The following ZNF443 variants were observed in gnomAD, a reference collection of about 807,000 sequenced individuals.
The protein encoded by ZNF443 is Kruppel-type zinc finger (C2H2).
ZNF443 carries 3 observed loss-of-function variants against 12.0 expected under a neutral mutation model. That is an observed-to-expected ratio of 0.25 (90% CI 0.11 to 0.64). The LOEUF (loss-of-function observed/expected upper bound fraction) is 0.64, where lower values mean the gene tolerates loss of function less well. ZNF443 is among the 30% of genes least tolerant of loss of function. The pLI is 0.84. For missense variants in ZNF443, 770 were observed against 808.8 expected (o/e 0.95, Z 0.58); for synonymous variants, 225 against 265.9 (o/e 0.85, Z 1.50).
rs777007005 is a variant in ZNF443, at chr19:12,430,535, T to G, written c.1637A>C (p.Asn546Thr). The G allele has an allele frequency of 6.2e-7, 1 of 1,614,058 alleles. No homozygotes were observed. Among genetic ancestry groups the G allele is most frequent in the South Asian group, 1.1e-5 (1 of 91,078 alleles). The change falls in exon 4 of 4, where the codon AAC (asparagine) becomes ACC (threonine). Residue 546 changes from asparagine (N) to threonine (T), a missense_variant. Asn to Thr is a moderately conservative substitution (Grantham distance 65). This residue lies in a region of ZNF443 where 736 missense variants were observed against 689.4 expected (regional missense o/e 1.07). Transcript: ENST00000301547. ...TCRKAFGHYD[N>T]LKVHERIHSG... ...GTGAATTCTTTCATGTACCTTTAAG[T>G]TATCATAATGACCGAAGGCTTTCCT...
At chr19:12,433,496 T>A (rs1970279065) in intron 1 of ZNF443, among the ~76,000 whole-genome samples, 1 of 152,198 alleles carries the variant, frequency 6.6e-6, no homozygotes, top group Non-Finnish European at 1.5e-5. Context: ...GGGTCTGCAG[T>A]CCTTGGCACG....
intron 1 of ZNF443, among the ~76,000 whole-genome samples, chr19:12,436,926 A>G (rs1024712546): frequency 5.3e-5 from 8 of 150,960 alleles, no homozygotes; most frequent in African/African-American, 2.0e-4. Context: ...GTTATAGTTT[A>G]TAATAGGGCA....
intron 1 of ZNF443, among the ~76,000 whole-genome samples, chr19:12,435,083 T>G (rs2144954405): frequency 6.7e-6 from 1 of 149,504 alleles, no homozygotes; most frequent in African/African-American, 2.5e-5. Flanking sequence ...ATTCAAGCAA[T>G]TCTCCTGCCT....
In ZNF443 at chr19:12,431,292, T is replaced by G; in HGVS notation, c.880A>C (p.Ser294Arg). 2.5e-6 allele frequency: 4 copies of G among 1,614,166 alleles called. No homozygotes were observed. Among genetic ancestry groups the G allele is most frequent in the Non-Finnish European group, 3.4e-6 (4 of 1,179,990 alleles). The change falls in exon 4 of 4, where the codon AGT (serine) becomes CGT (arginine). Residue 294 changes from serine (S) to arginine (R), a missense_variant. Coordinates refer to ENST00000301547, the MANE Select transcript of ZNF443 (RefSeq NM_005815.5). ...GTTCTTTCATGTATTAGACAAGAAC[T>G]GGAATCAGGGAAGGCTTTAGAACAC... ...KQCSKAFPDS[S>R]SCLIHERTHT...
intron 1 of ZNF443, among the ~76,000 whole-genome samples, chr19:12,439,071 C>T (rs189857775): frequency 9.2e-5 from 14 of 152,134 alleles, no homozygotes; most frequent in Admixed American, 7.8e-4. Context: ...CTATTCTGTT[C>T]GCCACCCTCC....
In ZNF443 at chr19:12,440,900, C is replaced by T. The variant is rs777264000; in HGVS notation, c.3+12G>A. Reference sequence around the variant, plus strand: ...CCTCCCCCGCCTCGGGACGCCGGCCCAGCACACGCACCATTTCCCGACTTC... The same window carrying T: ...CCTCCCCCGCCTCGGGACGCCGGCCTAGCACACGCACCATTTCCCGACTTC... On this transcript the variant is annotated intron_variant, in intron 1 of 3. Transcript: ENST00000301547. 4.3e-6 allele frequency: 7 copies of T among 1,614,096 alleles called. No individual in the cohort carries two copies. The highest frequency in any genetic ancestry group is 5.9e-6 in the Non-Finnish European group (7 of 1,179,984).
chr19:12,432,477 A>G, intron 2 of ZNF443, 40 bp from the exon 3 acceptor site: 5 of 1,321,756 alleles, frequency 3.8e-6, no homozygotes, highest in Non-Finnish European at 5.2e-6. Flanking sequence ...AAATTTTTAC[A>G]AAATTATAGA....
At position 12,431,711 on chromosome 19, in the gene ZNF443, T is replaced by C. The variant is rs1392449460; in HGVS notation, c.461A>G (p.Asn154Ser). 47 of 1,614,022 alleles carry C rather than the reference T, an allele frequency of 2.9e-5. No homozygotes were observed. The highest frequency in any genetic ancestry group is 3.5e-5 in the Non-Finnish European group (41 of 1,180,004). ...AAGCCTCTCATGTGTTTGAAATGAG[T>C]TGTGGTAACTGAAGGCTTTCCCACG... ...KQRGKAFSYH[N>S]SFQTHERLHT... The change falls in exon 4 of 4, where the codon AAC (asparagine) becomes AGC (serine). Residue 154 changes from asparagine to serine, a missense_variant. Around this residue, in one of 3 missense-constraint regions of ZNF443, gnomAD observed 736 missense variants for 689.4 expected, o/e 1.07. Transcript: ENST00000301547.
intron 1 of ZNF443, among the ~76,000 whole-genome samples, chr19:12,437,416 A>AAG (rs1555692049): frequency 8.3e-4 from 122 of 146,746 alleles, no homozygotes; most frequent in Non-Finnish European, 1.4e-3. Context: ...TCAAAAAAAA[A>AAG]AAAGAAACAA....
chr19:12,437,517 GA>G (rs1245854423), intron 1 of ZNF443, among the ~76,000 whole-genome samples: 1 of 150,484 alleles, frequency 6.6e-6, no homozygotes, highest in Non-Finnish European at 1.5e-5. Context: ...GACAGAAAAA[GA>G]AAGGAAGTTG....
At chr19:12,436,211 TG>T (rs1368044683) in intron 1 of ZNF443, among the ~76,000 whole-genome samples, 1 of 135,026 alleles carries the variant, frequency 7.4e-6, no homozygotes, top group African/African-American at 3.0e-5. Flanking sequence ...CTGGGCGTGG[TG>T]GCTCACACCT....
At chr19:12,433,880 G>A (rs1170769176) in intron 1 of ZNF443, among the ~76,000 whole-genome samples, 1 of 151,868 alleles carries the variant, frequency 6.6e-6, no homozygotes, top group Non-Finnish European at 1.5e-5. Flanking sequence ...GGCTTTAAGA[G>A]GTGATTTAGT....
At chr19:12,432,625 T>C (rs1970268956) in intron 2 of ZNF443, among the ~76,000 whole-genome samples, 188 bp from the exon 3 acceptor site, 2 of 140,900 alleles carry the variant, frequency 1.4e-5, no homozygotes, top group South Asian at 2.5e-4. Flanking sequence ...CTTCAGTCTC[T>C]GCTACCCAAG....
In ZNF443 at chr19:12,430,610, C is replaced by T. The variant is rs374633296; in HGVS notation, c.1562G>A (p.Arg521Gln). 3.7e-5 allele frequency: 59 copies of T among 1,613,870 alleles called. No homozygotes were observed. The African/African-American group carries it at 4.7e-4, about 13-fold the overall frequency. ...CTCTCCTGTGTGAGTCCTTTTATGT[C>T]GAGAAAGGTATCTGAAACGACTGAA... The part of the protein sequence containing the change: ...KAFSRFRYLS[R>Q]HKRTHTGEKP... Residue 521 changes from arginine (R) to glutamine (Q), a missense_variant, in exon 4 of 4, where the codon CGA (arginine) becomes CAA (glutamine). Transcript: ENST00000301547.
Position 12,431,923 on chromosome 19 carries a change from T to C in ZNF443, c.249A>G (p.Thr83=). ...CAATACTATCTTGAATCTGGCTAGA[T>C]GTTTCTCCACATTGAGTTCCATCTT... ...ESKDGTQCGE[T]SSQIQDSIVT... Residue 83 remains threonine (T), a synonymous_variant, in exon 4 of 4, where the codon ACA becomes ACG. Coordinates refer to ENST00000301547, the MANE Select transcript of ZNF443 (RefSeq NM_005815.5). 2.5e-6 allele frequency: 4 copies of C among 1,609,012 alleles called. No homozygotes were observed. Among genetic ancestry groups the C allele is most frequent in the Non-Finnish European group, 3.4e-6 (4 of 1,178,118 alleles).
rs757294196 is a variant in ZNF443, at chr19:12,431,824, T to C, written c.348A>G (p.Ser116=). 1 of 1,614,140 alleles carries C rather than the reference T, an allele frequency of 6.2e-7. No individual in the cohort carries two copies. The highest frequency in any genetic ancestry group is 8.5e-7 in the Non-Finnish European group (1 of 1,180,006). The stretch of plus-strand genomic sequence containing the variant: ...CAACTCTGATGTAACAATTAAGGGA[T>C]GAATGACCCATGACTTTTTCTCCTC... ...SMRGEKVMGH[S]SLNCYIRVGA... is the part of the protein sequence containing the mutation. The change falls in exon 4 of 4, where the codon TCA becomes TCG. Residue 116 remains serine, a synonymous_variant. Transcript: ENST00000301547.
intron 1 of ZNF443, among the ~76,000 whole-genome samples, chr19:12,437,862 C>A (rs1047002661): frequency 6.6e-6 from 1 of 151,596 alleles, no homozygotes; most frequent in Non-Finnish European, 1.5e-5. Flanking sequence ...GAGGCCAAAG[C>A]TGGTGGATTG....
rs759861320 is a variant in ZNF443 at position 12,430,629 on chromosome 19, G to T, written c.1543C>A (p.Arg515Ser). 152 of 1,610,480 alleles carry T rather than the reference G, an allele frequency of 9.4e-5. No individual in the cohort carries two copies. The highest frequency in any genetic ancestry group is 1.2e-4 in the Non-Finnish European group (141 of 1,178,820). ...ECKECGKAFS[R>S]FRYLSRHKRT... ...TTATGTCGAGAAAGGTATCTGAAAC[G>T]ACTGAATGCTTTCCCACATTCCTTA... Residue 515 changes from arginine (R) to serine (S), a missense_variant, in exon 4 of 4, where the codon CGT becomes AGT. This residue lies in a region of ZNF443 where 736 missense variants were observed against 689.4 expected (regional missense o/e 1.07). Transcript: ENST00000301547.
rs1403442927 is a variant in ZNF443, at chr19:12,430,847, GT to G, written c.1324del (p.Thr442LeufsTer106). 1 of 1,614,006 alleles carries G rather than the reference GT, an allele frequency of 6.2e-7. No homozygotes were observed. Among genetic ancestry groups the G allele is most frequent in the Non-Finnish European group, 8.5e-7 (1 of 1,179,996 alleles). Reference protein sequence around the residue: ...YPSVFQRHERTHTAEKPYKCK... With the variant: ...YPSVFQRHERXHTAEKPYKCK... ...TTTATAGGGTTTCTCTGCAGTGTGA[GT>G]CCTTTCATGTCTTTGAAATACACTG... is the stretch of plus-strand genomic sequence containing the variant. On this transcript the variant is annotated frameshift_variant, in exon 4 of 4. Coordinates refer to ENST00000301547, the MANE Select transcript of ZNF443 (RefSeq NM_005815.5). LOFTEE classifies it low-confidence loss of function (END_TRUNC).
Sources: gnomAD v4.1 joint callset for allele counts (sites outside exome capture counted in the v4.1 genomes callset) on GRCh38, gnomAD v4.1.1 for gene constraint, gnomAD v4.1.1 regional missense constraint, MANE v1.5 for transcripts, NCBI Gene and HGNC (gene_info 2026-07-23, HGNC 2026-07-21) for gene names.